Variants in LRP1B observed in about 807,000 individuals in gnomAD.
LRP1B encodes LDL receptor related protein 1B.
A neutral mutation model predicts 556.6 loss-of-function variants in LRP1B; 217 were observed. The ratio of observed to expected loss-of-function variants is 0.39; its 90% CI spans 0.35 to 0.44. LRP1B has a LOEUF of 0.44. Among genes scored for constraint, LRP1B ranks in the 20% least tolerant of loss-of-function variants. The probability of loss-of-function intolerance (pLI) is 1.00; values close to 1 mark genes in which losing one functional copy is unlikely to be tolerated. For missense variants in LRP1B, 5,053 were observed against 5,620.8 expected, an observed-to-expected ratio of 0.90 and a Z score of 3.23; for synonymous variants, 2,047 against 1,865.8, an observed-to-expected ratio of 1.10 and a Z score of -2.50.
intron 1 of LRP1B, among the ~76,000 whole-genome samples, chr2:142,060,119 T>C (rs1172335954): frequency 1.3e-5 from 2 of 152,080 alleles, no homozygotes; most frequent in African/African-American, 4.8e-5. Context: ...ATATTCAATA[T>C]CTAAATTCAA....
intron 27 of LRP1B, among the ~76,000 whole-genome samples, chr2:140,863,794 A>G (rs988680325): frequency 6.6e-6 from 1 of 152,068 alleles, no homozygotes; most frequent in Non-Finnish European, 1.5e-5. Flanking sequence ...CTTACATTCA[A>G]AATCCATCTA....
chr2:141,535,066 A>G (rs888357991), intron 2 of LRP1B, among the ~76,000 whole-genome samples: 3 of 152,148 alleles, frequency 2.0e-5, no homozygotes, highest in Non-Finnish European at 4.4e-5. Flanking sequence ...GCTCTCTCAC[A>G]TGGCTGTGCA....
At position 142,074,587 on chromosome 2, in the gene LRP1B, T is replaced by G. The variant is rs180749688; in HGVS notation, c.82+56061A>C. Among the ~76,000 whole-genome samples the G allele has an allele frequency of 2.8e-4, 43 of 152,156 alleles. 1 individual carries two copies. The East Asian group carries it at 7.2e-3, about 25-fold the overall frequency. On this transcript the variant is annotated intron_variant, in intron 1 of 90. Coordinates refer to ENST00000389484, the MANE Select transcript of LRP1B (RefSeq NM_018557.3). ...TAGAACTCCTGTGGGAATATCACAT[T>G]CAATATGTTTCCAGCTGGAAAACCA...
intron 1 of LRP1B, among the ~76,000 whole-genome samples, chr2:141,923,403 C>CCATATATATATATATATA: frequency 9.8e-6 from 1 of 102,110 alleles, no homozygotes; most frequent in East Asian, 2.9e-4. Flanking sequence ...ATCTCTGTCA[C>CCATATATATATATATATA]TATATATATA....
At chr2:141,848,863 CAG>C (rs1334584365) in intron 1 of LRP1B, among the ~76,000 whole-genome samples, 2 of 151,448 alleles carry the variant, frequency 1.3e-5, no homozygotes, top group Non-Finnish European at 3.0e-5. Flanking sequence ...ATTACAAGGA[CAG>C]AGTCTTTTGA....
At chr2:141,788,190 G>T (rs889745711) in intron 2 of LRP1B, among the ~76,000 whole-genome samples, 1 of 151,908 alleles carries the variant, frequency 6.6e-6, no homozygotes, top group Non-Finnish European at 1.5e-5. Context: ...GTAGCTTTTT[G>T]TTGCTTGCAA....
intron 55 of LRP1B, among the ~76,000 whole-genome samples, chr2:140,499,509 T>C (rs1284895158): frequency 6.6e-6 from 1 of 151,750 alleles, no homozygotes; most frequent in Non-Finnish European, 1.5e-5. Flanking sequence ...AAATACTCTG[T>C]TAGGTGATTT....
At chr2:140,337,369 A>G (rs981402259) in intron 77 of LRP1B, among the ~76,000 whole-genome samples, 17 of 151,978 alleles carry the variant, frequency 1.1e-4, no homozygotes, top group African/African-American at 3.9e-4. Context: ...GCACTCCGCA[A>G]TACAGTATAC....
intron 43 of LRP1B, among the ~76,000 whole-genome samples, chr2:140,588,005 G>A (rs1440020893): frequency 1.3e-5 from 2 of 152,048 alleles, no homozygotes; most frequent in African/African-American, 4.8e-5. Flanking sequence ...CAGAAATAAA[G>A]AGAACATCAA....
intron 31 of LRP1B, among the ~76,000 whole-genome samples, chr2:140,836,476 T>A (rs958460503): frequency 6.6e-6 from 1 of 152,200 alleles, no homozygotes; most frequent in African/African-American, 2.4e-5. Flanking sequence ...ATTTCTAGAT[T>A]TCTGAATTTT....
intron 3 of LRP1B, among the ~76,000 whole-genome samples, chr2:141,333,753 A>G (rs1559012023): frequency 6.6e-6 from 1 of 152,170 alleles, no homozygotes; most frequent in Non-Finnish European, 1.5e-5. Context: ...CAACTGTAGC[A>G]TTTATTTTAT....
intron 40 of LRP1B, 58 bp downstream of exon 40, chr2:140,701,663 A>C (rs555062157): frequency 6.6e-7 from 1 of 1,518,460 alleles, no homozygotes; most frequent in East Asian, 2.3e-5. Context: ...ATGTTTTTAA[A>C]AATTGGAGAG....
intron 2 of LRP1B, among the ~76,000 whole-genome samples, chr2:141,514,916 G>A (rs1684257973): frequency 1.3e-5 from 2 of 152,308 alleles, no homozygotes; most frequent in South Asian, 4.1e-4. Flanking sequence ...TGCACCATCA[G>A]TAAGTCAGGG....
intron 43 of LRP1B, among the ~76,000 whole-genome samples, chr2:140,582,285 T>G (rs914171468): frequency 5.3e-5 from 8 of 152,198 alleles, no homozygotes; most frequent in Non-Finnish European, 8.8e-5. Context: ...GATTTAATTG[T>G]TCTCAGATTG....
intron 1 of LRP1B, among the ~76,000 whole-genome samples, chr2:141,815,802 C>T (rs1179912823): frequency 6.6e-6 from 1 of 151,380 alleles, no homozygotes; most frequent in Non-Finnish European, 1.5e-5. Flanking sequence ...CTACCACTCA[C>T]TCTTTGGGTC....
intron 2 of LRP1B, among the ~76,000 whole-genome samples, chr2:141,501,124 T>C (rs943102202): frequency 6.6e-6 from 1 of 152,148 alleles, no homozygotes; most frequent in African/African-American, 2.4e-5. Flanking sequence ...ATAATGATAA[T>C]TCACTTTGTG....
chr2:141,792,624 T>A, intron 2 of LRP1B, among the ~76,000 whole-genome samples: 1 of 151,992 alleles, frequency 6.6e-6, no homozygotes, highest in East Asian at 1.9e-4. Flanking sequence ...TCATAAAGAC[T>A]ATGCCCTAAA....
chr2:141,329,764 A>G (rs2105489699), intron 3 of LRP1B, among the ~76,000 whole-genome samples: 1 of 152,276 alleles, frequency 6.6e-6, no homozygotes, highest in South Asian at 2.1e-4. Flanking sequence ...ATGGAGAAGG[A>G]ACAAATATCA....
intron 2 of LRP1B, among the ~76,000 whole-genome samples, chr2:141,712,997 G>A (rs561043385): frequency 6.6e-6 from 1 of 151,686 alleles, no homozygotes; most frequent in Admixed American, 6.6e-5. Context: ...ATATCTTCAA[G>A]TATACAAGTA....
Sources: gnomAD v4.1 joint callset for allele counts (sites outside exome capture counted in the v4.1 genomes callset) on GRCh38, gnomAD v4.1.1 for gene constraint, MANE v1.5 for transcripts, NCBI Gene and HGNC (gene_info 2026-07-23, HGNC 2026-07-21) for gene names.